The following RGS10 variants were observed in gnomAD, a reference collection of about 807,000 sequenced individuals.
RGS10 encodes the protein regulator of G-protein signalling 10.
RGS10 carries 11 observed loss-of-function variants against 23.5 expected under a neutral mutation model. The observed-to-expected ratio is 0.47, with a 90% CI of 0.29 to 0.77. The LOEUF (loss-of-function observed/expected upper bound fraction) is 0.77. Among genes scored for constraint, RGS10 ranks in the 30% least tolerant of loss-of-function variants. The pLI, the probability that RGS10 is intolerant of heterozygous loss-of-function variation, is 0.08. For missense variants in RGS10, 180 were observed against 226.3 expected, an observed-to-expected ratio of 0.80 and a Z score of 1.31; for synonymous variants, 77 against 83.2, an observed-to-expected ratio of 0.92 and a Z score of 0.41.
chr10:119,521,855 G>A (rs562936724), intron 3 of RGS10, among the ~76,000 whole-genome samples: 4 of 152,246 alleles, frequency 2.6e-5, no homozygotes, highest in African/African-American at 7.2e-5. Context: ...GATTATCAGT[G>A]AAGTAGGAGA....
chr10:119,515,377 G>T, intron 4 of RGS10, 132 bp downstream of exon 4: 3 of 1,072,764 alleles, frequency 2.8e-6, no homozygotes, highest in Non-Finnish European at 4.1e-6. Context: ...TGGCCCCTCA[G>T]TGTACCTCGG....
chr10:119,508,090 C>T (rs571013091), intron 4 of RGS10, among the ~76,000 whole-genome samples: 8 of 152,172 alleles, frequency 5.3e-5, no homozygotes, highest in African/African-American at 1.9e-4. Flanking sequence ...CTCCACCTCC[C>T]GGGTTCAAGC....
Position 119,517,040 on chromosome 10 carries a change from A to G in RGS10, c.256-1388T>C, listed in dbSNP as rs565459763. Among the ~76,000 whole-genome samples, 8 of 152,336 alleles carry G rather than the reference A, an allele frequency of 5.3e-5. No homozygotes were observed. The South Asian group carries it at 1.7e-3, about 32-fold the overall frequency. ...GGCCTGGAAAACTGCCTTTCTCTCCAAGAGCCCAACTGGGGCTCCGCATGT... is the reference window on the plus strand; with the variant it reads ...GGCCTGGAAAACTGCCTTTCTCTCCGAGAGCCCAACTGGGGCTCCGCATGT... On this transcript the variant is annotated intron_variant, in intron 3 of 4. Transcript: ENST00000369103. The surrounding 1 kb of genome is among the most constrained non-coding windows in gnomAD (Gnocchi z 5.0).
Position 119,500,054 on chromosome 10 carries a change from C to G in RGS10, c.*59G>C. On this transcript the variant is annotated 3_prime_UTR_variant, in exon 5 of 5. Coordinates refer to ENST00000369103, the MANE Select transcript of RGS10 (RefSeq NM_001005339.2). Reference sequence around the variant, plus strand: ...TAACAAAGCAATGATAAACCCGGCACGGTCCTGAGAGGAAATTCCTTTGCT... The same window carrying G: ...TAACAAAGCAATGATAAACCCGGCAGGGTCCTGAGAGGAAATTCCTTTGCT... 1 of 1,564,800 alleles carries G rather than the reference C, an allele frequency of 6.4e-7. No homozygotes were observed. Among genetic ancestry groups the G allele is most frequent in the Non-Finnish European group, 8.7e-7 (1 of 1,150,518 alleles).
At position 119,529,298 on chromosome 10, in the gene RGS10, A is replaced by G. The variant is rs187799895; in HGVS notation, c.50-1874T>C. On this transcript the variant is annotated intron_variant, in intron 1 of 4. Coordinates refer to ENST00000369103, the MANE Select transcript of RGS10 (RefSeq NM_001005339.2). ...TGAAACCCCGTCTGTACTAAAAATA[A>G]AAAAAAGTAGCTGGGTGTGGTGGTG... Among the ~76,000 whole-genome samples the G allele has an allele frequency of 1.9e-3, 282 of 151,948 alleles. 1 individual carries two copies. The highest frequency in any genetic ancestry group is 5.8e-3 in the South Asian group (28 of 4,806).
Position 119,502,772 on chromosome 10 carries a change from A to G in RGS10, c.400-2513T>C, listed in dbSNP as rs548358627. ...GCCACTCCCTACTGGGGCAGGTGTG[A>G]AATGCCCCACGAGTGCAGAAGTCCC... On this transcript the variant is annotated intron_variant, in intron 4 of 4. Coordinates refer to ENST00000369103, the MANE Select transcript of RGS10 (RefSeq NM_001005339.2). 1.4e-3 allele frequency among the ~76,000 whole-genome samples: 218 copies of G among 152,270 alleles called. 1 individual carries two copies. The highest frequency in any genetic ancestry group is 4.8e-3 in the African/African-American group (200 of 41,564).
chr10:119,520,626 A>G (rs1006185727), intron 3 of RGS10, among the ~76,000 whole-genome samples: 3 of 152,192 alleles, frequency 2.0e-5, no homozygotes, highest in Admixed American at 2.0e-4. Context: ...GGGAAATTCC[A>G]AATATAGACC....
intron 4 of RGS10, among the ~76,000 whole-genome samples, chr10:119,510,751 C>T (rs968676300): frequency 6.6e-6 from 1 of 152,192 alleles, no homozygotes; most frequent in African/African-American, 2.4e-5. Context: ...TGGAGTCTCG[C>T]TCTGTTACCC....
At chr10:119,515,480 T>C (rs1400146306) in intron 4 of RGS10, 29 bp downstream of exon 4, 1 of 1,613,418 alleles carries the variant, frequency 6.2e-7, no homozygotes, top group Admixed American at 1.7e-5. Context: ...GGTTTTCAAA[T>C]CAAGGTGCAG....
intron 3 of RGS10, among the ~76,000 whole-genome samples, chr10:119,519,870 T>TC (rs902527200): frequency 1.4e-4 from 22 of 152,116 alleles, no homozygotes; most frequent in Admixed American, 1.4e-3. Flanking sequence ...TAACTCCATG[T>TC]CCCCCCCAGA....
chr10:119,512,546 T>TA (rs11446612), intron 4 of RGS10, among the ~76,000 whole-genome samples: 122,600 of 150,826 alleles, frequency 0.81, 49,915 homozygotes, highest in Non-Finnish European at 0.84. Context: ...TCTATGCAAT[T>TA]AAAAAAAATT....
rs1243332445 is a variant in RGS10, at chr10:119,530,734, A to AGG, written c.50-3312_50-3311dup. ...CAGCTATTTGACAGACTGAGGCAGG[A>AGG]GGATAGCTTGAGCCCAGGAGTTCAA... On this transcript the variant is annotated intron_variant, in intron 1 of 4. Coordinates refer to ENST00000369103, the MANE Select transcript of RGS10 (RefSeq NM_001005339.2). 2.6e-5 allele frequency among the ~76,000 whole-genome samples: 4 copies of AGG among 152,342 alleles called. No individual in the cohort carries two copies. In the East Asian group the frequency reaches 7.7e-4, roughly 29 times the overall value.
intron 4 of RGS10, among the ~76,000 whole-genome samples, chr10:119,504,842 T>C (rs1843992095): frequency 6.6e-6 from 1 of 152,070 alleles, no homozygotes; most frequent in Non-Finnish European, 1.5e-5. Context: ...CCACACCCTC[T>C]CGCCACCACC....
chr10:119,518,921 C>T (rs1274252109), intron 3 of RGS10, among the ~76,000 whole-genome samples: 1 of 152,086 alleles, frequency 6.6e-6, no homozygotes, highest in African/African-American at 2.4e-5. Flanking sequence ...GGCCAGGCTG[C>T]TCTCGAACTC....
At chr10:119,518,277 C>T (rs1229476010) in intron 3 of RGS10, among the ~76,000 whole-genome samples, 1 of 152,160 alleles carries the variant, frequency 6.6e-6, no homozygotes, top group African/African-American at 2.4e-5. Flanking sequence ...CTGGGGAGAC[C>T]TGAAGTGTCC....
At position 119,514,914 on chromosome 10, in the gene RGS10, C is replaced by T. The variant is rs577181096; in HGVS notation, c.399+595G>A. Reference sequence around the variant, plus strand: ...TTCCCAGCGCAAATCAATGCCCATGCGTCCTTCCGACTGGCTCAAATTCAC... The same window carrying T: ...TTCCCAGCGCAAATCAATGCCCATGTGTCCTTCCGACTGGCTCAAATTCAC... On this transcript the variant is annotated intron_variant, in intron 4 of 4. Transcript: ENST00000369103. 1.0e-3 allele frequency among the ~76,000 whole-genome samples: 159 copies of T among 152,260 alleles called. 1 individual carries two copies. Among genetic ancestry groups the T allele is most frequent in the Middle Eastern group, 3.4e-3 (1 of 294 alleles).
chr10:119,500,527 A>T (rs769420560), intron 4 of RGS10, among the ~76,000 whole-genome samples: 23 of 152,106 alleles, frequency 1.5e-4, no homozygotes, highest in Non-Finnish European at 2.9e-4. Flanking sequence ...TTCACACAGC[A>T]CTGATTCAGA....
At chr10:119,521,029 G>A (rs990228902) in intron 3 of RGS10, among the ~76,000 whole-genome samples, 2 of 152,104 alleles carry the variant, frequency 1.3e-5, no homozygotes, top group African/African-American at 2.4e-5. Context: ...AATGAACTCC[G>A]CCTCTGCCTC....
In RGS10 at chr10:119,506,033, G is replaced by A. The variant is rs139703950; in HGVS notation, c.400-5774C>T. ...GGAAGCACCGCCGTCTCTGAATTGC[G>A]GCTCTAGAATGCGTCCTCTCTTCAC... On this transcript the variant is annotated intron_variant, in intron 4 of 4. Transcript: ENST00000369103. Among the ~76,000 whole-genome samples the A allele has an allele frequency of 2.1e-4, 32 of 152,280 alleles. No individual in the cohort carries two copies. The South Asian group carries it at 6.2e-3, about 30-fold the overall frequency.
Sources: gnomAD v4.1 joint callset for allele counts (sites outside exome capture counted in the v4.1 genomes callset) on GRCh38, gnomAD v4.1.1 for gene constraint, Gnocchi (gnomAD v3.1) non-coding constraint, MANE v1.5 for transcripts, NCBI Gene and HGNC (gene_info 2026-07-23, HGNC 2026-07-21) for gene names.